The following MPPED2 variants were observed in gnomAD, a reference collection of about 807,000 sequenced individuals.
MPPED2 encodes metallophosphoesterase domain containing 2, also known as metallophosphoesterase MPPED2.
In MPPED2, 5 loss-of-function variants were observed where a neutral mutation model predicts 33.0. That is an observed-to-expected ratio of 0.15 (90% CI 0.08 to 0.32). MPPED2 has a LOEUF of 0.32. Ranked by LOEUF, MPPED2 falls within the 10% of genes least tolerant of loss-of-function variation. The pLI is 1.00. For missense variants in MPPED2, 275 were observed against 372.1 expected (o/e 0.74, Z 2.15); for synonymous variants, 136 against 141.9 (o/e 0.96, Z 0.29).
At chr11:30,384,327 T>C (rs760670944), downstream of MPPED2, among the ~76,000 whole-genome samples, 3 of 152,188 alleles carry the variant, frequency 2.0e-5, no homozygotes, top group Non-Finnish European at 2.9e-5. Context: ...AAAGCAGGTA[T>C]GGAGAGAGGA....
intron 2 of MPPED2, among the ~76,000 whole-genome samples, chr11:30,574,550 G>C (rs1315075485): frequency 1.3e-5 from 2 of 152,188 alleles, no homozygotes; most frequent in African/African-American, 4.8e-5. Context: ...AGACGACGAA[G>C]TAGGCAACAC....
At chr11:30,491,779 A>G (rs920151235) in intron 4 of MPPED2, among the ~76,000 whole-genome samples, 2 of 152,218 alleles carry the variant, frequency 1.3e-5, no homozygotes, top group African/African-American at 2.4e-5. Context: ...TAGCTCTGGG[A>G]ATATTAATTT....
At chr11:30,500,084 A>G (rs1952486856) in intron 3 of MPPED2, among the ~76,000 whole-genome samples, 2 of 152,146 alleles carry the variant, frequency 1.3e-5, no homozygotes, top group African/African-American at 4.8e-5. Flanking sequence ...TGTACAGCCA[A>G]ATGGTTACTC....
chr11:30,475,743 C>T (rs988631616), intron 4 of MPPED2, among the ~76,000 whole-genome samples: 2 of 152,076 alleles, frequency 1.3e-5, no homozygotes, highest in Non-Finnish European at 2.9e-5. Flanking sequence ...TGTGGACATA[C>T]ATTTTTATTT....
chr11:30,579,234 T>A (rs529116883), intron 2 of MPPED2, among the ~76,000 whole-genome samples: 18 of 152,186 alleles, frequency 1.2e-4, no homozygotes, highest in Middle Eastern at 6.8e-3. Context: ...TTTTTTTAAA[T>A]GCTCATGTAA....
At chr11:30,549,273 T>G (rs1955587772) in intron 2 of MPPED2, among the ~76,000 whole-genome samples, 1 of 152,228 alleles carries the variant, frequency 6.6e-6, no homozygotes, top group African/African-American at 2.4e-5. Context: ...TTTATTAGTC[T>G]TGTTATGGTT....
chr11:30,495,039 T>A (rs777562325), intron 4 of MPPED2: 11 of 455,184 alleles, frequency 2.4e-5, no homozygotes, highest in African/African-American at 7.8e-5. Context: ...CAATACCCCA[T>A]GGACACTGAG....
intron 1 of MPPED2, among the ~76,000 whole-genome samples, chr11:30,580,985 A>G (rs943416958): frequency 3.9e-5 from 6 of 152,270 alleles, no homozygotes; most frequent in Non-Finnish European, 8.8e-5. Context: ...ATACATGTGT[A>G]TTACTATAAC....
At chr11:30,426,773 A>C (rs908192283) in intron 4 of MPPED2, among the ~76,000 whole-genome samples, 2 of 152,192 alleles carry the variant, frequency 1.3e-5, no homozygotes, top group African/African-American at 4.8e-5. Flanking sequence ...ATGATGTGAA[A>C]ATTAATCCAG....
intron 4 of MPPED2, among the ~76,000 whole-genome samples, chr11:30,464,536 T>G (rs1950631553): frequency 6.6e-6 from 1 of 152,202 alleles, no homozygotes; most frequent in Non-Finnish European, 1.5e-5. Flanking sequence ...ACTTTGAAAC[T>G]CAGGCTTTTC....
chr11:30,551,109 G>A lies in MPPED2; in HGVS notation c.129-14934C>T, dbSNP rs138304183. Among the ~76,000 whole-genome samples, 571 of 152,300 alleles carry A rather than the reference G, an allele frequency of 3.7e-3. 3 individuals are homozygous for A. Among genetic ancestry groups the A allele is most frequent in the Non-Finnish European group, 5.9e-3 (403 of 68,016 alleles). The stretch of plus-strand genomic sequence containing the variant: ...GGAGTCTAAGAACAAGAAGGGTTGA[G>A]TGACTTGTTCATGGCCAATGTTAGC... On this transcript the variant is annotated intron_variant, in intron 2 of 6. Transcript: ENST00000358117.
intron 3 of MPPED2, among the ~76,000 whole-genome samples, chr11:30,524,642 AG>A (rs1954068093): frequency 6.6e-6 from 1 of 152,184 alleles, no homozygotes; most frequent in African/African-American, 2.4e-5. Flanking sequence ...GGGGGATTCC[AG>A]GAGAGATGAA....
intron 2 of MPPED2, among the ~76,000 whole-genome samples, chr11:30,569,360 T>G (rs1283520373): frequency 6.6e-6 from 1 of 152,316 alleles, no homozygotes; most frequent in African/African-American, 2.4e-5. Context: ...AGCATTAGAC[T>G]TTTTGAATTG....
At chr11:30,497,345 T>C (rs2134219627) in intron 3 of MPPED2, among the ~76,000 whole-genome samples, 1 of 152,342 alleles carries the variant, frequency 6.6e-6, no homozygotes, top group South Asian at 2.1e-4. Context: ...ATCATGGCTC[T>C]GTGACCCTAT....
At chr11:30,583,747 C>T (rs187535075) in intron 1 of MPPED2, among the ~76,000 whole-genome samples, 32 of 152,302 alleles carry the variant, frequency 2.1e-4, no homozygotes, top group Admixed American at 3.9e-4. Flanking sequence ...TTCAAAGCAA[C>T]AACTCATGAC....
chr11:30,410,543 C>T lies in MPPED2; in HGVS notation c.*925G>A. ...TTGCATCCATTTAAGTCTATACATG[C>T]CTGTAACTGTACCTAGATTTAACTC... On this transcript the variant is annotated 3_prime_UTR_variant, in exon 7 of 7. Coordinates refer to ENST00000358117, the MANE Select transcript of MPPED2 (RefSeq NM_001584.3). The T allele has an allele frequency of 3.2e-5, 32 of 985,694 alleles. No individual in the cohort carries two copies. Among genetic ancestry groups the T allele is most frequent in the Non-Finnish European group, 3.7e-5 (31 of 829,924 alleles). 61.1% of individuals were successfully genotyped at this position (985,694 alleles called of 1,614,324 possible). A position where few individuals can be genotyped will look rare whatever the true frequency, so the allele number is the denominator to read the frequency against.
intron 4 of MPPED2, among the ~76,000 whole-genome samples, chr11:30,443,826 C>T (rs1278807641): frequency 2.0e-5 from 3 of 152,118 alleles, no homozygotes; most frequent in Admixed American, 6.5e-5. Context: ...GACTGCATAA[C>T]GAAACAACAA....
intron 2 of MPPED2, among the ~76,000 whole-genome samples, chr11:30,551,084 G>A (rs1955689024): frequency 6.6e-6 from 1 of 152,064 alleles, no homozygotes; most frequent in African/African-American, 2.4e-5. Flanking sequence ...TATTCCCATT[G>A]GAGTCTAAGA....
intron 3 of MPPED2, chr11:30,504,794 G>A: frequency 7.8e-7 from 1 of 1,288,848 alleles, no homozygotes. Flanking sequence ...TGAAACTCAT[G>A]CATTAGGGTT....
Sources: allele counts gnomAD v4.1 joint callset (sites outside exome capture counted in the v4.1 genomes callset), GRCh38; gene constraint gnomAD v4.1.1; transcripts MANE v1.5; gene names NCBI Gene and HGNC (gene_info 2026-07-23, HGNC 2026-07-21).